TNRC6B: variants seen among roughly 807,000 people sequenced by gnomAD.
The protein encoded by TNRC6B is trinucleotide repeat containing adaptor 6B, also known as trinucleotide repeat-containing gene 6B protein.
Under a neutral mutation model 203.6 loss-of-function variants are expected in TNRC6B, and 52 were observed. The observed-to-expected ratio is 0.26, with a 90% CI of 0.20 to 0.32. TNRC6B has a LOEUF of 0.32. Ranked by LOEUF, TNRC6B falls within the 10% of genes least tolerant of loss-of-function variation. The probability of loss-of-function intolerance (pLI) is 1.00; values close to 1 mark genes in which losing one functional copy is unlikely to be tolerated. For synonymous variants in TNRC6B, 838 were observed against 845.7 expected (o/e 0.99, Z 0.16); for missense variants, 1,923 against 2,286.2 (o/e 0.84, Z 3.24).
At chr22:40,251,696 G>A (rs1421781326) in intron 3 of TNRC6B, among the ~76,000 whole-genome samples, 1 of 151,316 alleles carries the variant, frequency 6.6e-6, no homozygotes, top group African/African-American at 2.4e-5. Flanking sequence ...TCCAGCCTGG[G>A]CAACAAAGTG....
chr22:40,060,470 T>G (rs1019905379), intron 1 of TNRC6B, among the ~76,000 whole-genome samples: 1 of 152,194 alleles, frequency 6.6e-6, no homozygotes, highest in Non-Finnish European at 1.5e-5. Flanking sequence ...AAGTGTTATT[T>G]GATTTCCAAA....
chr22:40,196,847 C>G (rs1031680401), intron 1 of TNRC6B, among the ~76,000 whole-genome samples: 3 of 152,050 alleles, frequency 2.0e-5, no homozygotes, highest in Non-Finnish European at 4.4e-5. Flanking sequence ...GGGGAAGGGA[C>G]ATGAACTGAT....
intron 1 of TNRC6B, among the ~76,000 whole-genome samples, chr22:40,086,912 G>T (rs914089755): frequency 6.6e-6 from 1 of 152,174 alleles, no homozygotes; most frequent in African/African-American, 2.4e-5. Context: ...ACCAGGCAGT[G>T]TTTAAAGATT....
chr22:40,204,073 A>C (rs2069447729), intron 1 of TNRC6B, among the ~76,000 whole-genome samples: 1 of 152,232 alleles, frequency 6.6e-6, no homozygotes, highest in African/African-American at 2.4e-5. Context: ...GAGAAAGGAG[A>C]AACATTTTAT....
intron 1 of TNRC6B, among the ~76,000 whole-genome samples, chr22:40,187,896 A>G (rs2069224280): frequency 6.6e-6 from 1 of 152,324 alleles, no homozygotes; most frequent in Admixed American, 6.5e-5. Flanking sequence ...TAACTAGACC[A>G]TCTAAGTGAT....
intron 1 of TNRC6B, among the ~76,000 whole-genome samples, chr22:40,061,839 C>T (rs2067856138): frequency 6.6e-6 from 1 of 151,980 alleles, no homozygotes; most frequent in Non-Finnish European, 1.5e-5. Context: ...TTTGGGAGGC[C>T]AAGGTGGGTG....
At chr22:40,134,778 TACTA>T (rs1447905061) in intron 3 of TNRC6B, among the ~76,000 whole-genome samples, 1 of 152,226 alleles carries the variant, frequency 6.6e-6, no homozygotes. Context: ...GGTAACATGT[TACTA>T]ACAGCAGAAA....
At position 40,262,080 on chromosome 22, in the gene TNRC6B, G is replaced by T; in HGVS notation, c.364G>T (p.Ala122Ser). ...PPSCMLLGGG[A>S]GPPPCTAPGA... Reference sequence around the variant, plus strand: ...GTCCTGCATGCTCCTTGGGGGTGGGGCAGGGCCTCCTCCCTGCACAGCACC... The same window carrying T: ...GTCCTGCATGCTCCTTGGGGGTGGGTCAGGGCCTCCTCCCTGCACAGCACC... The change falls in exon 4 of 23, where the codon GCA becomes TCA. Residue 122 changes from alanine to serine, a missense_variant. By Grantham distance (99) the Ala-to-Ser change is moderately conservative. Around this residue, in one of 8 missense-constraint regions of TNRC6B, gnomAD observed 614 missense variants for 587.7 expected, o/e 1.04. Coordinates refer to ENST00000454349, the MANE Select transcript of TNRC6B (RefSeq NM_001162501.2). 6.4e-7 allele frequency: 1 copy of T among 1,573,404 alleles called. No individual in the cohort carries two copies. Among genetic ancestry groups the T allele is most frequent in the Non-Finnish European group, 8.7e-7 (1 of 1,151,062 alleles).
intron 1 of TNRC6B, among the ~76,000 whole-genome samples, chr22:40,068,193 C>T (rs970015440): frequency 1.3e-5 from 2 of 152,106 alleles, no homozygotes; most frequent in African/African-American, 2.4e-5. Context: ...TTTTAGCTTT[C>T]AGCTTTTATT....
chr22:40,238,320 G>A (rs1398532331), intron 1 of TNRC6B, among the ~76,000 whole-genome samples: 3 of 152,094 alleles, frequency 2.0e-5, no homozygotes, highest in South Asian at 2.1e-4. Flanking sequence ...GAGAGAGGCG[G>A]GCCTCCTGAC....
At chr22:40,055,509 G>T (rs1415913766) in intron 1 of TNRC6B, among the ~76,000 whole-genome samples, 2 of 152,202 alleles carry the variant, frequency 1.3e-5, no homozygotes, top group Non-Finnish European at 2.9e-5. Flanking sequence ...TGATATGTCA[G>T]ACTCAGCCTC....
intron 3 of TNRC6B, among the ~76,000 whole-genome samples, chr22:40,153,951 TAATA>T (rs2068785674): frequency 6.6e-6 from 1 of 151,390 alleles, no homozygotes; most frequent in Non-Finnish European, 1.5e-5. Flanking sequence ...TAATTAATAT[TAATA>T]TTAAGAAATT....
intron 11 of TNRC6B, among the ~76,000 whole-genome samples, chr22:40,281,772 C>T (rs905694774): frequency 6.6e-5 from 10 of 152,170 alleles, no homozygotes; most frequent in South Asian, 2.1e-4. Context: ...AGTAATTACC[C>T]GGAGAAGGGT....
intron 21 of TNRC6B, among the ~76,000 whole-genome samples, chr22:40,319,699 C>T (rs1173533159): frequency 6.6e-6 from 1 of 152,326 alleles, no homozygotes; most frequent in East Asian, 1.9e-4. Flanking sequence ...GCTGGGATTA[C>T]AGGCGTGAGC....
chr22:40,055,151 G>A (rs1199073615), intron 1 of TNRC6B, among the ~76,000 whole-genome samples: 3 of 152,166 alleles, frequency 2.0e-5, no homozygotes, highest in African/African-American at 4.8e-5. Context: ...GAGGTGGGGC[G>A]AAAGGAGATC....
intron 3 of TNRC6B, among the ~76,000 whole-genome samples, chr22:40,251,502 T>C (rs1039218893): frequency 1.3e-5 from 2 of 152,164 alleles, no homozygotes; most frequent in African/African-American, 4.8e-5. Context: ...CTGGATCACC[T>C]GAGGTCGGGA....
At chr22:40,316,771 TGCTG>T (rs1428774810) in intron 21 of TNRC6B, among the ~76,000 whole-genome samples, 1 of 152,228 alleles carries the variant, frequency 6.6e-6, no homozygotes, top group Non-Finnish European at 1.5e-5. Flanking sequence ...GAAGGGTTGA[TGCTG>T]GCCACTAGGC....
chr22:40,098,808 A>G (rs1001835167), intron 1 of TNRC6B, among the ~76,000 whole-genome samples: 3 of 152,018 alleles, frequency 2.0e-5, no homozygotes, highest in Non-Finnish European at 2.9e-5. Flanking sequence ...GCTCACTGCA[A>G]TCTCGAACTC....
In TNRC6B at chr22:40,300,892, T is replaced by A. The variant is rs375625712; in HGVS notation, c.3841-18T>A. 1.4e-4 allele frequency: 218 copies of A among 1,611,136 alleles called. No individual in the cohort carries two copies. The highest frequency in any genetic ancestry group is 1.7e-4 in the Non-Finnish European group (201 of 1,178,666). The stretch of plus-strand genomic sequence containing the variant: ...CTCAGGAAACTTTGGTTTTCTGTCT[T>A]TCCCCCTTGTTTTGTAGGCATGTCA... On this transcript the variant is annotated intron_variant, in intron 13 of 22. Transcript: ENST00000454349.
Sources: allele counts gnomAD v4.1 joint callset (sites outside exome capture counted in the v4.1 genomes callset), GRCh38; gene constraint gnomAD v4.1.1; regional missense constraint gnomAD v4.1.1; transcripts MANE v1.5; gene names NCBI Gene and HGNC (gene_info 2026-07-23, HGNC 2026-07-21).